The following CALD1 variants were observed in gnomAD, a reference collection of about 807,000 sequenced individuals.
CALD1 encodes caldesmon 1.
A neutral mutation model predicts 99.9 loss-of-function variants in CALD1; 33 were observed. That is an observed-to-expected ratio of 0.33 (90% confidence interval 0.25 to 0.44). The LOEUF is 0.44. Ranked by LOEUF, CALD1 falls within the 20% of genes least tolerant of loss-of-function variation. The pLI is 1.00. For missense variants in CALD1, 861 were observed against 962.1 expected (o/e 0.89, Z 1.39); for synonymous variants, 310 against 325.0 (o/e 0.95, Z 0.50).
chr7:134,713,122 C>T, the CALD1 span, among the ~76,000 whole-genome samples: 1 of 152,194 alleles, frequency 6.6e-6, no homozygotes, highest in African/African-American at 2.4e-5. Flanking sequence ...CCTAACTAGT[C>T]AGCATCAGGA....
chr7:134,722,965 T>G, the CALD1 span, among the ~76,000 whole-genome samples: 1 of 152,170 alleles, frequency 6.6e-6, no homozygotes, highest in Non-Finnish European at 1.5e-5. Flanking sequence ...GAATGAGAGC[T>G]ATCAGGATGA....
intron 8 of CALD1, among the ~76,000 whole-genome samples, chr7:134,949,540 A>G (rs1466032700): frequency 6.6e-6 from 1 of 152,174 alleles, no homozygotes; most frequent in Non-Finnish European, 1.5e-5. Flanking sequence ...GGTTTGTCAA[A>G]CCATCTAAAA....
intron 1 of CALD1, among the ~76,000 whole-genome samples, chr7:134,814,073 A>G (rs1798463976): frequency 6.6e-6 from 1 of 152,160 alleles, no homozygotes; most frequent in Non-Finnish European, 1.5e-5. Flanking sequence ...AAATGAAGGG[A>G]AGTAATGCAG....
intron 1 of CALD1, among the ~76,000 whole-genome samples, chr7:134,825,427 G>T (rs1189075867): frequency 6.6e-6 from 1 of 152,090 alleles, no homozygotes; most frequent in Non-Finnish European, 1.5e-5. Flanking sequence ...TTTTATAAGT[G>T]ATTAGGGTAA....
chr7:134,887,677 CAT>C (rs1163509238), intron 3 of CALD1, among the ~76,000 whole-genome samples: 2 of 145,822 alleles, frequency 1.4e-5, no homozygotes, highest in Non-Finnish European at 3.0e-5. Flanking sequence ...CGTATGCATG[CAT>C]GTGTGTGTAT....
the CALD1 span, among the ~76,000 whole-genome samples, chr7:134,715,243 C>G: frequency 1.3e-5 from 2 of 152,218 alleles, no homozygotes. Context: ...ACTTCTACTA[C>G]TGGGTGAGCT....
At chr7:134,838,534 T>A (rs901638104) in intron 1 of CALD1, among the ~76,000 whole-genome samples, 1 of 152,232 alleles carries the variant, frequency 6.6e-6, no homozygotes, top group Admixed American at 6.5e-5. Context: ...AGTCCCTGTA[T>A]TTGGATTGCC....
At chr7:134,772,507 A>T (rs540955289) in intron 1 of CALD1, among the ~76,000 whole-genome samples, 1 of 152,226 alleles carries the variant, frequency 6.6e-6, no homozygotes, top group African/African-American at 2.4e-5. Context: ...AAGAAAACGA[A>T]GGTTTGGCTC....
chr7:134,753,146 G>T (rs2131568531), intron 1 of CALD1, among the ~76,000 whole-genome samples: 1 of 152,214 alleles, frequency 6.6e-6, no homozygotes, highest in Admixed American at 6.5e-5. Context: ...CTGGGCCTTG[G>T]GGTGGAGTGG....
intron 1 of CALD1, among the ~76,000 whole-genome samples, chr7:134,787,826 G>A (rs533291976): frequency 1.3e-5 from 2 of 152,296 alleles, no homozygotes; most frequent in Non-Finnish European, 2.9e-5. Flanking sequence ...TTCTCTGCAA[G>A]AGTGACCTGA....
rs114292566 is a variant in CALD1, at chr7:134,808,666, C to G, written c.-130+28917C>G. ...AATAAGTCTTTCTATCCAATCCAATCACATATATTGAACACCCACTCATTT... is the reference window on the plus strand; with the variant it reads ...AATAAGTCTTTCTATCCAATCCAATGACATATATTGAACACCCACTCATTT... On this transcript the variant is annotated intron_variant, in intron 1 of 14. Coordinates refer to ENST00000361675, the MANE Select transcript of CALD1 (RefSeq NM_033138.4). 3.2e-3 allele frequency among the ~76,000 whole-genome samples: 489 copies of G among 152,352 alleles called. 3 individuals are homozygous for G. The highest frequency in any genetic ancestry group is 0.011 in the African/African-American group (460 of 41,580).
At chr7:134,733,857 A>G in the CALD1 span, among the ~76,000 whole-genome samples, 3 of 151,206 alleles carry the variant, frequency 2.0e-5, no homozygotes, top group African/African-American at 7.3e-5. Context: ...CTGCTAAATG[A>G]TATTAAATTA....
chr7:134,899,559 G>A (rs1408491130), intron 3 of CALD1, among the ~76,000 whole-genome samples: 1 of 152,202 alleles, frequency 6.6e-6, no homozygotes, highest in Non-Finnish European at 1.5e-5. Flanking sequence ...CCACCCTAGA[G>A]CTGTGCCTTA....
intron 14 of CALD1, among the ~76,000 whole-genome samples, 165 bp from the exon 15 acceptor site, chr7:134,968,175 A>G (rs1808813991): frequency 6.6e-6 from 1 of 152,056 alleles, no homozygotes; most frequent in Admixed American, 6.6e-5. Flanking sequence ...ATAAAAGATC[A>G]TATTTGAATG....
At chr7:134,711,678 ATATGTGTGTGTG>A in the CALD1 span, among the ~76,000 whole-genome samples, 91 of 54,798 alleles carry the variant, frequency 1.7e-3, 3 homozygotes, top group East Asian at 1.4e-3. Flanking sequence ...ATATATATAT[ATATGTGTGTGTG>A]TGTGTGTGTG....
chr7:134,874,640 T>C (rs541377375), intron 3 of CALD1, among the ~76,000 whole-genome samples: 1 of 152,316 alleles, frequency 6.6e-6, no homozygotes, highest in East Asian at 1.9e-4. Flanking sequence ...TGAGTTCCTC[T>C]CACTGATCAG....
intron 3 of CALD1, among the ~76,000 whole-genome samples, chr7:134,903,998 G>A (rs1055180796): frequency 2.0e-5 from 3 of 152,112 alleles, no homozygotes; most frequent in Admixed American, 6.5e-5. Context: ...TGAGGCAGGC[G>A]GATCACCTGA....
Position 134,770,737 on chromosome 7 carries a change from G to A in CALD1, c.-130+26374G>A, listed in dbSNP as rs186961247. Among the ~76,000 whole-genome samples the A allele has an allele frequency of 3.6e-4, 55 of 152,228 alleles. 1 individual carries two copies. The highest frequency in any genetic ancestry group is 4.7e-4 in the Non-Finnish European group (32 of 68,008). Reference sequence around the variant, plus strand: ...TATGTTTGGATGAACATATTGTCAGGGGGCACTGCTCAACCCACTGCATGG... The same window carrying A: ...TATGTTTGGATGAACATATTGTCAGAGGGCACTGCTCAACCCACTGCATGG... On this transcript the variant is annotated intron_variant, in intron 1 of 13. Transcript: ENST00000417172.
At chr7:134,914,448 G>A (rs1478844161) in intron 3 of CALD1, among the ~76,000 whole-genome samples, 1 of 152,188 alleles carries the variant, frequency 6.6e-6, no homozygotes, top group Admixed American at 6.5e-5. Context: ...TGAAACACCT[G>A]GAGTGGAGAT....
Sources: gnomAD v4.1 joint callset for allele counts (sites outside exome capture counted in the v4.1 genomes callset) on GRCh38, gnomAD v4.1.1 for gene constraint, MANE v1.5 for transcripts, NCBI Gene and HGNC (gene_info 2026-07-23, HGNC 2026-07-21) for gene names.